Variants in ADCK1 observed in about 807,000 individuals in gnomAD.
ADCK1 encodes aarF domain-containing protein kinase 1.
In ADCK1, 41 loss-of-function variants were observed where a neutral mutation model predicts 52.3. The ratio of observed to expected loss-of-function variants is 0.78; its 90% CI spans 0.61 to 1.02. ADCK1 has a LOEUF of 1.02. Ranked by LOEUF, ADCK1 falls within the 50% of genes least tolerant of loss-of-function variation. The pLI, the probability that ADCK1 is intolerant of heterozygous loss-of-function variation, is 0.00. For synonymous variants in ADCK1, 250 were observed against 274.6 expected, an observed-to-expected ratio of 0.91 and a Z score of 0.89; for missense variants, 658 against 679.5, an observed-to-expected ratio of 0.97 and a Z score of 0.35.
At chr14:77,842,448 TTTCCTTCCTTCCTTCCTTCCTTCCTTCC>T (rs746756710) in intron 3 of ADCK1, among the ~76,000 whole-genome samples, 10 of 92,284 alleles carry the variant, frequency 1.1e-4, no homozygotes, top group South Asian at 3.8e-4. Context: ...GGTATTTTTT[TTTCCTTCCTTCCTTCCTTCCTTCCTTCC>T]TTCCTTCCTT....
Position 77,894,736 on chromosome 14 carries a change from G to GTTTTTTTTTTTTTTTT in ADCK1, c.583-4351_583-4336dup. Among the ~76,000 whole-genome samples, 96 of 36,474 alleles carry GTTTTTTTTTTTTTTTT rather than the reference G, an allele frequency of 2.6e-3. 22 individuals carry two copies. The highest frequency in any genetic ancestry group is 4.5e-3 in the Non-Finnish European group (77 of 16,926). The allele number at this position is 36,474 out of a possible 152,430, so 23.9% of individuals were successfully genotyped here. On this transcript the variant is annotated intron_variant, in intron 5 of 10. Coordinates refer to ENST00000238561, the MANE Select transcript of ADCK1 (RefSeq NM_020421.4). ...TTATTTCTTTTTCTTTTCTTTTCTT[G>GTTTTTTTTTTTTTTTT]TTTTTTTTTTTTTTTTTTTTTTTTT...
At chr14:77,905,371 C>T (rs906342625) in intron 6 of ADCK1, among the ~76,000 whole-genome samples, 8 of 134,036 alleles carry the variant, frequency 6.0e-5, no homozygotes, top group South Asian at 2.4e-4. Flanking sequence ...AGTACAGTGG[C>T]GTATTCTTCA....
chr14:77,931,419 T>C, intron 9 of ADCK1, 99 bp from the exon 10 acceptor site: 1 of 1,280,600 alleles, frequency 7.8e-7, no homozygotes, highest in Non-Finnish European at 1.1e-6. Context: ...TCCTGGGGCT[T>C]CTTTGCAGCC....
intron 4 of ADCK1, among the ~76,000 whole-genome samples, chr14:77,885,862 G>C (rs1210700437): frequency 6.6e-6 from 1 of 152,200 alleles, no homozygotes; most frequent in Non-Finnish European, 1.5e-5. Flanking sequence ...TCTTGGAAAA[G>C]ACCTTTAGGG....
chr14:77,837,344 G>C (rs921253075), intron 3 of ADCK1, among the ~76,000 whole-genome samples: 1 of 151,936 alleles, frequency 6.6e-6, no homozygotes, highest in African/African-American at 2.4e-5. Context: ...CGCTGTGCTG[G>C]CCAGGCTGGT....
intron 3 of ADCK1, among the ~76,000 whole-genome samples, chr14:77,833,979 G>C (rs1215094460): frequency 6.6e-6 from 1 of 152,154 alleles, no homozygotes; most frequent in Admixed American, 6.6e-5. Flanking sequence ...AAGGAATTCA[G>C]TGATCACCCT....
chr14:77,925,975 C>G lies in ADCK1; in HGVS notation c.1206+14C>G. The G allele has an allele frequency of 6.2e-7, 1 of 1,613,342 alleles. No individual in the cohort carries two copies. The highest frequency in any genetic ancestry group is 8.5e-7 in the Non-Finnish European group (1 of 1,180,008). On this transcript the variant is annotated intron_variant, in intron 9 of 10. Coordinates refer to ENST00000238561, the MANE Select transcript of ADCK1 (RefSeq NM_020421.4). ...ACTGCCACTGAGGTAGGGGGCCCCT[C>G]CAGGCCCTGCCTCTTCCTAAATGCA...
chr14:77,813,149 T>A (rs553684048), intron 1 of ADCK1, among the ~76,000 whole-genome samples: 1 of 151,618 alleles, frequency 6.6e-6, no homozygotes, highest in Admixed American at 6.6e-5. Flanking sequence ...ATTATAGGCA[T>A]GCGCCACCAT....
intron 1 of ADCK1, among the ~76,000 whole-genome samples, chr14:77,800,586 C>T (rs1230071120): frequency 6.6e-6 from 1 of 152,244 alleles, no homozygotes; most frequent in Non-Finnish European, 1.5e-5. Flanking sequence ...GGAGCGTGGT[C>T]TGGGCAAGAG....
At chr14:77,860,738 C>G (rs1027750779) in intron 4 of ADCK1, among the ~76,000 whole-genome samples, 1 of 152,206 alleles carries the variant, frequency 6.6e-6, no homozygotes, top group Non-Finnish European at 1.5e-5. Flanking sequence ...CTGGCCCACT[C>G]ATGGCTTTGC....
intron 3 of ADCK1, among the ~76,000 whole-genome samples, chr14:77,826,268 C>CT: frequency 6.6e-6 from 1 of 152,310 alleles, no homozygotes; most frequent in African/African-American, 2.4e-5. Context: ...CTTATCCCTT[C>CT]TCGTCAGTGT....
chr14:77,871,210 G>A (rs914724700), intron 4 of ADCK1, among the ~76,000 whole-genome samples: 1 of 152,134 alleles, frequency 6.6e-6, no homozygotes, highest in African/African-American at 2.4e-5. Flanking sequence ...GGAGGCAGCT[G>A]GTAACTCTCT....
At chr14:77,904,546 A>G (rs562480513) in intron 6 of ADCK1, among the ~76,000 whole-genome samples, 80 of 152,242 alleles carry the variant, frequency 5.3e-4, no homozygotes, top group Non-Finnish European at 8.1e-4. Flanking sequence ...TTTCGTGGGC[A>G]TGTTGACCAA....
At chr14:77,824,246 C>T (rs1439233780) in intron 3 of ADCK1, among the ~76,000 whole-genome samples, 2 of 152,056 alleles carry the variant, frequency 1.3e-5, no homozygotes, top group Admixed American at 6.6e-5. Context: ...AAATCTCAGG[C>T]ATCACATTGT....
intron 4 of ADCK1, among the ~76,000 whole-genome samples, chr14:77,885,290 G>C (rs1462738972): frequency 6.6e-6 from 1 of 152,200 alleles, no homozygotes; most frequent in Non-Finnish European, 1.5e-5. Flanking sequence ...TCACGAAGGA[G>C]GAGAAAAGAC....
intron 3 of ADCK1, among the ~76,000 whole-genome samples, chr14:77,836,291 T>C (rs1258072185): frequency 6.6e-6 from 1 of 152,234 alleles, no homozygotes; most frequent in African/African-American, 2.4e-5. Flanking sequence ...ATGTTTTGTT[T>C]TGTTTTTAAA....
In ADCK1 at chr14:77,856,637, C is replaced by G. The variant is rs147140550; in HGVS notation, c.220-2439C>G. ...CCATCTGACCTAATCAATAACTAATCAACACTGAGTTGATCTTATTAGCTA... is the reference window on the plus strand; with the variant it reads ...CCATCTGACCTAATCAATAACTAATGAACACTGAGTTGATCTTATTAGCTA... On this transcript the variant is annotated intron_variant, in intron 3 of 10. Transcript: ENST00000238561. Among the ~76,000 whole-genome samples, 145 of 152,298 alleles carry G rather than the reference C, an allele frequency of 9.5e-4. 1 individual carries two copies. Among genetic ancestry groups the G allele is most frequent in the Non-Finnish European group, 1.7e-3 (113 of 68,022 alleles).
chr14:77,866,544 C>T (rs369148027), intron 4 of ADCK1, among the ~76,000 whole-genome samples: 1 of 152,132 alleles, frequency 6.6e-6, no homozygotes. Context: ...GCTGCAGTTT[C>T]CCAAGGCCCT....
intron 3 of ADCK1, among the ~76,000 whole-genome samples, chr14:77,831,084 C>G (rs1024244211): frequency 2.6e-5 from 4 of 152,080 alleles, no homozygotes; most frequent in Admixed American, 2.6e-4. Flanking sequence ...TGAACTTCAC[C>G]CCTGAATTTG....
Sources: gnomAD v4.1 joint callset for allele counts (sites outside exome capture counted in the v4.1 genomes callset) on GRCh38, gnomAD v4.1.1 for gene constraint, MANE v1.5 for transcripts, NCBI Gene and HGNC (gene_info 2026-07-23, HGNC 2026-07-21) for gene names.